SOCS6: variants seen among roughly 807,000 people sequenced by gnomAD.
SOCS6 encodes suppressor of cytokine signaling 6.
Under a neutral mutation model 27.7 loss-of-function variants are expected in SOCS6, and 5 were observed. The ratio of observed to expected loss-of-function variants is 0.18; its 90% CI spans 0.09 to 0.38. The LOEUF (loss-of-function observed/expected upper bound fraction) is 0.38, where lower values mean the gene tolerates loss of function less well. Among genes scored for constraint, SOCS6 ranks in the 10% least tolerant of loss-of-function variants. The pLI is 1.00. For missense variants in SOCS6, 595 were observed against 688.1 expected, an observed-to-expected ratio of 0.86 and a Z score of 1.51; for synonymous variants, 271 against 260.0, an observed-to-expected ratio of 1.04 and a Z score of -0.41.
At chr18:70,293,376 G>A (rs1482208899) in intron 1 of SOCS6, among the ~76,000 whole-genome samples, 2 of 152,120 alleles carry the variant, frequency 1.3e-5, no homozygotes, top group Admixed American at 1.3e-4. Context: ...TGCCTGTAGA[G>A]CTATGATGTG....
At chr18:70,317,276 C>A (rs942244557) in intron 1 of SOCS6, among the ~76,000 whole-genome samples, 1 of 152,084 alleles carries the variant, frequency 6.6e-6, no homozygotes, top group Non-Finnish European at 1.5e-5. Flanking sequence ...TAACTTAGCT[C>A]GCACTTATAA....
intron 1 of SOCS6, among the ~76,000 whole-genome samples, chr18:70,297,739 T>A (rs2062330564): frequency 1.2e-5 from 1 of 81,270 alleles, no homozygotes; most frequent in South Asian, 6.6e-4. Flanking sequence ...AATTATTGCT[T>A]TCCAAGATTC....
chr18:70,302,390 G>A (rs113858384), intron 1 of SOCS6, among the ~76,000 whole-genome samples: 31 of 152,266 alleles, frequency 2.0e-4, no homozygotes, highest in African/African-American at 6.7e-4. Flanking sequence ...GGTAGGCCGG[G>A]AAGGAGAAGA....
chr18:70,323,196 G>A (rs1447259235), intron 1 of SOCS6, among the ~76,000 whole-genome samples: 1 of 152,200 alleles, frequency 6.6e-6, no homozygotes, highest in Non-Finnish European at 1.5e-5. Flanking sequence ...GGCTTTATTA[G>A]CATTTCGCTC....
In SOCS6 at chr18:70,324,753, C is replaced by A; in HGVS notation, c.85C>A (p.Gln29Lys). ...AGAAACTGATTTCATGGTAGTACAA[C>A]AACCATCGCTAGCCAGTGACTTTGG... Reference protein sequence around the residue: ...KEETDFMVVQQPSLASDFGKD... With the variant: ...KEETDFMVVQKPSLASDFGKD... Residue 29 changes from glutamine to lysine, a missense_variant, in exon 2 of 2, where the codon CAA (glutamine) becomes AAA (lysine). Gln to Lys is a moderately conservative substitution (Grantham distance 53, BLOSUM62 1). Coordinates refer to ENST00000397942, the MANE Select transcript of SOCS6 (RefSeq NM_004232.4). 1 of 1,613,562 alleles carries A rather than the reference C, an allele frequency of 6.2e-7. No homozygotes were observed. Among genetic ancestry groups the A allele is most frequent in the South Asian group, 1.1e-5 (1 of 91,070 alleles).
Position 70,293,952 on chromosome 18 carries a change from A to G in SOCS6, c.-127+4862A>G, listed in dbSNP as rs544316777. The stretch of plus-strand genomic sequence containing the variant: ...CTAAAAATACAAAAATTAGCTGGGC[A>G]TGGTGGCACACACCTGTAGTCCCAG... On this transcript the variant is annotated intron_variant, in intron 1 of 1. Coordinates refer to ENST00000397942, the MANE Select transcript of SOCS6 (RefSeq NM_004232.4). Among the ~76,000 whole-genome samples the G allele has an allele frequency of 5.3e-5, 8 of 152,152 alleles. No individual in the cohort carries two copies. In the South Asian group the frequency reaches 1.5e-3, roughly 28 times the overall value.
In SOCS6 at chr18:70,305,160, A is replaced by T. The variant is rs1416924690; in HGVS notation, c.-127+16070A>T. Reference sequence around the variant, plus strand: ...AGGTGGGAGGTTGCAGTGAGCCGAGATCGCGCCACTGCACTCCAACCTGAG... The same window carrying T: ...AGGTGGGAGGTTGCAGTGAGCCGAGTTCGCGCCACTGCACTCCAACCTGAG... On this transcript the variant is annotated intron_variant, in intron 1 of 1. Coordinates refer to ENST00000397942, the MANE Select transcript of SOCS6 (RefSeq NM_004232.4). 3.3e-5 allele frequency among the ~76,000 whole-genome samples: 5 copies of T among 152,194 alleles called. No homozygotes were observed. The East Asian group carries it at 7.7e-4, about 24-fold the overall frequency.
Position 70,325,038 on chromosome 18 carries a change from T to C in SOCS6, c.370T>C (p.Ser124Pro). ...KDVRAQRPIR[S>P]TSLRSHHYSP... ...CGTGAGAGCTCAGAGGCCGATAAGG[T>C]CCACGTCGCTCCGCAGCCATCACTA... The change falls in exon 2 of 2, where the codon TCC becomes CCC. Residue 124 changes from serine to proline, a missense_variant. This residue lies in a region of SOCS6 where 467 missense variants were observed against 481.1 expected (regional missense o/e 0.97). Coordinates refer to ENST00000397942, the MANE Select transcript of SOCS6 (RefSeq NM_004232.4). This position sits in a 1 kb window ranked among gnomAD's most constrained non-coding sequence, Gnocchi z 6.3. 1 of 1,614,078 alleles carries C rather than the reference T, an allele frequency of 6.2e-7. No individual in the cohort carries two copies. The highest frequency in any genetic ancestry group is 8.5e-7 in the Non-Finnish European group (1 of 1,180,010).
rs1209522030 is a variant in SOCS6, at chr18:70,326,088, A to G, written c.1420A>G (p.Arg474Gly). Reference sequence around the variant, plus strand: ...TGAAAATGGAGCTTTTTGTTATTCAAGGTCTCGGCTGCCTGGATCTGCAAC... The same window carrying G: ...TGAAAATGGAGCTTTTTGTTATTCAGGGTCTCGGCTGCCTGGATCTGCAAC... ...DSENGAFCYSRSRLPGSATYP... is the reference protein window; with the variant it reads ...DSENGAFCYSGSRLPGSATYP... The change falls in exon 2 of 2, where the codon AGG (arginine) becomes GGG (glycine). Residue 474 changes from arginine to glycine, a missense_variant. Around this residue, in one of 2 missense-constraint regions of SOCS6, gnomAD observed 128 missense variants for 207.0 expected, o/e 0.62. Transcript: ENST00000397942. The G allele has an allele frequency of 1.9e-6, 3 of 1,614,228 alleles. No individual in the cohort carries two copies. The highest frequency in any genetic ancestry group is 1.7e-5 in the Admixed American group (1 of 60,034).
At chr18:70,317,554 T>TACACACACAC (rs369682234) in intron 1 of SOCS6, among the ~76,000 whole-genome samples, 2 of 139,070 alleles carry the variant, frequency 1.4e-5, no homozygotes, top group Admixed American at 7.1e-5. Flanking sequence ...CATATATACA[T>TACACACACAC]ACACACACAC....
Position 70,326,571 on chromosome 18 carries a change from A to C in SOCS6, c.*295A>C, listed in dbSNP as rs972814078. 5.3e-5 allele frequency: 18 copies of C among 338,362 alleles called. No homozygotes were observed. In the East Asian group the frequency reaches 1.0e-3, roughly 19 times the overall value. 21.0% of individuals were successfully genotyped at this position (338,362 alleles called of 1,614,324 possible). ...ATTCTCCTCAATGCCCCCCCCGCCC[A>C]GTCCTTTGCTGCTATCCACTGTGAT... On this transcript the variant is annotated 3_prime_UTR_variant, in exon 2 of 2. Coordinates refer to ENST00000397942, the MANE Select transcript of SOCS6 (RefSeq NM_004232.4).
intron 1 of SOCS6, among the ~76,000 whole-genome samples, chr18:70,290,958 A>G (rs1335433874): frequency 6.6e-6 from 1 of 152,154 alleles, no homozygotes; most frequent in Non-Finnish European, 1.5e-5. Flanking sequence ...GTGGCAGGGA[A>G]GGAATTTGAG....
intron 1 of SOCS6, 129 bp from the exon 2 acceptor site, chr18:70,324,414 C>T (rs1911107295): frequency 9.4e-6 from 3 of 319,852 alleles, no homozygotes; most frequent in Admixed American, 4.7e-5. Context: ...AAGCCCGGTC[C>T]TAACAGAGCT....
intron 1 of SOCS6, among the ~76,000 whole-genome samples, chr18:70,297,728 T>C (rs1309086109): frequency 1.5e-5 from 2 of 137,604 alleles, no homozygotes; most frequent in Admixed American, 8.0e-5. Flanking sequence ...TTAAATTGAA[T>C]AATTATTGCT....
chr18:70,317,279 A>G (rs1249321767), intron 1 of SOCS6, among the ~76,000 whole-genome samples: 1 of 152,140 alleles, frequency 6.6e-6, no homozygotes, highest in East Asian at 1.9e-4. Flanking sequence ...CTTAGCTCGC[A>G]CTTATAAGTG....
intron 1 of SOCS6, among the ~76,000 whole-genome samples, chr18:70,323,814 C>T (rs1029978946): frequency 5.9e-5 from 9 of 152,168 alleles, no homozygotes; most frequent in African/African-American, 1.4e-4. Context: ...TTCTATGGAA[C>T]GCCTTTACTG....
intron 1 of SOCS6, among the ~76,000 whole-genome samples, chr18:70,293,567 T>G (rs1407477562): frequency 6.6e-6 from 1 of 152,216 alleles, no homozygotes; most frequent in Non-Finnish European, 1.5e-5. Flanking sequence ...ATCCTCAGTT[T>G]TCTGGTGTAG....
chr18:70,306,788 T>C, intron 1 of SOCS6, among the ~76,000 whole-genome samples: 1 of 152,244 alleles, frequency 6.6e-6, no homozygotes. Flanking sequence ...TTTTTATCAA[T>C]AGGTGTTGTC....
At position 70,324,547 on chromosome 18, in the gene SOCS6, T is replaced by C; in HGVS notation, c.-122T>C. 1.5e-6 allele frequency: 1 copy of C among 645,314 alleles called. No homozygotes were observed. Among genetic ancestry groups the C allele is most frequent in the Non-Finnish European group, 2.6e-6 (1 of 383,132 alleles). The allele number at this position is 645,314 out of a possible 1,614,324, so 40.0% of individuals were successfully genotyped here. A position where few individuals can be genotyped will look rare whatever the true frequency, so the allele number is the denominator to read the frequency against. On this transcript the variant is annotated 5_prime_UTR_variant, in exon 2 of 2. It removes an upstream start codon present in the reference 5' UTR. Transcript: ENST00000397942. ...TTTTATATTTTTATTTTTTAGAAAA[T>C]GGCTCCAAAGGTTAAATGAAGCAGG...
Sources: gnomAD v4.1 joint callset for allele counts (sites outside exome capture counted in the v4.1 genomes callset) on GRCh38, gnomAD v4.1.1 for gene constraint, gnomAD v4.1.1 regional missense constraint, Gnocchi (gnomAD v3.1) non-coding constraint, MANE v1.5 for transcripts, NCBI Gene and HGNC (gene_info 2026-07-23, HGNC 2026-07-21) for gene names.